Variants in ZFP28 observed in about 807,000 individuals in gnomAD.
ZFP28 encodes the protein ZFP28 zinc finger protein.
A neutral mutation model predicts 39.5 loss-of-function variants in ZFP28; 31 were observed. That is an observed-to-expected ratio of 0.79 (90% CI 0.59 to 1.06). The LOEUF is 1.06. ZFP28 is among the 50% of genes least tolerant of loss of function. The pLI is 0.00. For synonymous variants in ZFP28, 400 were observed against 378.6 expected (o/e 1.06, Z -0.66); for missense variants, 925 against 1,048.4 (o/e 0.88, Z 1.63).
At position 56,550,525 on chromosome 19, in the gene ZFP28, A is replaced by G. The variant is rs1351544853; in HGVS notation, c.818A>G (p.Lys273Arg). The G allele has an allele frequency of 1.2e-6, 2 of 1,613,936 alleles. No homozygotes were observed. Among genetic ancestry groups the G allele is most frequent in the Non-Finnish European group, 1.7e-6 (2 of 1,180,030 alleles). Residue 273 changes from lysine to arginine, a missense_variant, in exon 7 of 8, where the codon AAG becomes AGG. This residue lies in a region of ZFP28 where 556 missense variants were observed against 542.9 expected (regional missense o/e 1.02). Transcript: ENST00000301318. ...DLGSAGHCVA[K>R]PDLVSLLEQE... ...ACTTTTTCAGGACATTGTGTGGCTA[A>G]GCCAGATTTAGTCTCTTTACTAGAG...
rs1405283317 is a variant in ZFP28, at chr19:56,539,201, G to A, written c.183G>A (p.Ala61=). ...NGLASKGQRG[A]APTGPGHRAL... Reference sequence around the variant, plus strand: ...TCGCATCCAAAGGCCAGCGAGGAGCGGCCCCTACGGGGCCTGGGCACAGAG... The same window carrying A: ...TCGCATCCAAAGGCCAGCGAGGAGCAGCCCCTACGGGGCCTGGGCACAGAG... Residue 61 remains alanine (A), a synonymous_variant, in exon 1 of 8, where the codon GCG becomes GCA. Transcript: ENST00000301318. The A allele has an allele frequency of 1.3e-6, 2 of 1,599,128 alleles. No homozygotes were observed. Among genetic ancestry groups the A allele is most frequent in the Non-Finnish European group, 1.7e-6 (2 of 1,176,786 alleles).
intron 7 of ZFP28, chr19:56,552,484 T>G (rs2044312724): frequency 6.6e-6 from 1 of 152,178 alleles, no homozygotes; most frequent in African/African-American, 2.4e-5. Flanking sequence ...GAGTTTGTAT[T>G]CTATTCATAG....
chr19:56,549,119 C>T lies in ZFP28; in HGVS notation c.685C>T (p.Pro229Ser). The stretch of plus-strand genomic sequence containing the variant: ...TTATGATGCTCTGTTTGAGACACAG[C>T]CGGTAAGTCACAAGACAAATTTCAG... ...WDYDALFETQ[P>S]GLVTIKNLAV... Residue 229 changes from proline (P) to serine (S), a missense_variant and splice_region_variant, in exon 5 of 8, where the codon CCG becomes TCG. Physicochemically the swap from Pro to Ser is moderately conservative, Grantham distance 74. Around this residue, in one of 2 missense-constraint regions of ZFP28, gnomAD observed 556 missense variants for 542.9 expected, o/e 1.02. Transcript: ENST00000301318. 6.3e-7 allele frequency: 1 copy of T among 1,597,740 alleles called. No individual in the cohort carries two copies. Among genetic ancestry groups the T allele is most frequent in the Non-Finnish European group, 8.5e-7 (1 of 1,172,190 alleles).
chr19:56,541,882 T>C (rs1348327861), intron 2 of ZFP28, among the ~76,000 whole-genome samples: 3 of 41,324 alleles, frequency 7.3e-5, no homozygotes, highest in East Asian at 1.9e-3. Flanking sequence ...GGCTAATTTT[T>C]TTTTTTTTTT....
In ZFP28 at chr19:56,555,368, T is replaced by G. The variant is rs930637651; in HGVS notation, c.2583T>G (p.Asn861Lys). Residue 861 changes from asparagine (N) to lysine (K), a missense_variant, in exon 8 of 8, where the codon AAT (asparagine) becomes AAG (lysine). Asn to Lys is a moderately conservative substitution (Grantham distance 94, BLOSUM62 0). This residue lies in a region of ZFP28 where 369 missense variants were observed against 505.5 expected (regional missense o/e 0.73). Coordinates refer to ENST00000301318, the MANE Select transcript of ZFP28 (RefSeq NM_020828.2). ...PVDLFPKFLW[N>K]PSSLPSP ...ATCTGTTTCCCAAATTTCTCTGGAA[T>G]CCATCCTCCCTCCCATCACCATAGC... The G allele has an allele frequency of 1.1e-5, 17 of 1,612,330 alleles. No individual in the cohort carries two copies. The highest frequency in any genetic ancestry group is 1.4e-5 in the Non-Finnish European group (16 of 1,179,042).
intron 7 of ZFP28, among the ~76,000 whole-genome samples, chr19:56,553,463 T>G (rs2044322700): frequency 6.6e-6 from 1 of 152,144 alleles, no homozygotes; most frequent in Non-Finnish European, 1.5e-5. Context: ...GTGATCCGCC[T>G]CAAGTGATCT....
intron 2 of ZFP28, chr19:56,545,449 CTAG>C (rs2044233445): frequency 6.6e-6 from 1 of 152,162 alleles, no homozygotes; most frequent in Non-Finnish European, 1.5e-5. Flanking sequence ...ACTTTTGTTT[CTAG>C]TAGAATAATG....
intron 2 of ZFP28, among the ~76,000 whole-genome samples, chr19:56,540,065 C>T (rs963155815): frequency 6.6e-6 from 1 of 152,208 alleles, no homozygotes. Flanking sequence ...CACTTTGTGC[C>T]AGCCACTGAG....
rs1035687739 is a variant in ZFP28 at position 56,555,842 on chromosome 19, G to C, written c.*450G>C. 1 of 155,750 alleles carries C rather than the reference G, an allele frequency of 6.4e-6. No homozygotes were observed. The highest frequency in any genetic ancestry group is 1.4e-5 in the Non-Finnish European group (1 of 70,652). The allele number at this position is 155,750 out of a possible 1,614,324, so 9.6% of individuals were successfully genotyped here. On this transcript the variant is annotated 3_prime_UTR_variant, in exon 8 of 8. Transcript: ENST00000301318. Reference sequence around the variant, plus strand: ...TGTGAATGTAAGGTGATGTGACCTTGTTGGTGAGAAAATTAAACTTTACAT... The same window carrying C: ...TGTGAATGTAAGGTGATGTGACCTTCTTGGTGAGAAAATTAAACTTTACAT...
chr19:56,552,772 CATTT>C, intron 7 of ZFP28: 2 of 152,274 alleles, frequency 1.3e-5, no homozygotes, highest in East Asian at 3.9e-4. Context: ...TCATATAATA[CATTT>C]GTTTGACCTT....
At chr19:56,537,283 C>T (rs893195155), upstream of ZFP28, among the ~76,000 whole-genome samples, 6 of 152,108 alleles carry the variant, frequency 3.9e-5, no homozygotes, top group Non-Finnish European at 7.4e-5. Flanking sequence ...CAGCTCTCTA[C>T]AGCTGTTCTA....
Position 56,556,189 on chromosome 19 carries a change from G to A in ZFP28, c.*797G>A, listed in dbSNP as rs2044349892. On this transcript the variant is annotated 3_prime_UTR_variant, in exon 8 of 8. Coordinates refer to ENST00000301318, the MANE Select transcript of ZFP28 (RefSeq NM_020828.2). ...ATCTAGAATTTAAAAAAATTTTAAA[G>A]GGTTGAAAAAAGTGAAAAGAATATT... is the stretch of plus-strand genomic sequence containing the variant. The A allele has an allele frequency of 6.6e-6, 1 of 152,018 alleles. No individual in the cohort carries two copies. Among genetic ancestry groups the A allele is most frequent in the Non-Finnish European group, 1.5e-5 (1 of 68,002 alleles). The allele number at this position is 152,018 out of a possible 1,614,324, so 9.4% of individuals were successfully genotyped here.
At chr19:56,539,496 C>A in intron 1 of ZFP28, 129 bp from the exon 2 acceptor site, 1 of 811,202 alleles carries the variant, frequency 1.2e-6, no homozygotes, top group Admixed American at 2.7e-5. Flanking sequence ...AACCTATCTC[C>A]ACGTTGTGGC....
chr19:56,554,096 T>G lies in ZFP28; in HGVS notation c.1311T>G (p.Val437=). The change falls in exon 8 of 8, where the codon GTT becomes GTG. Residue 437 remains valine, a synonymous_variant. Coordinates refer to ENST00000301318, the MANE Select transcript of ZFP28 (RefSeq NM_020828.2). This position sits in a 1 kb window ranked among gnomAD's most constrained non-coding sequence, Gnocchi z 6.7. ...TTACCCAGAGCTCATCTCTTACTGTTCATCAGAGAATTCACACTGGAGAGA... is the reference window on the plus strand; with the variant it reads ...TTACCCAGAGCTCATCTCTTACTGTGCATCAGAGAATTCACACTGGAGAGA... ...KTFTQSSSLT[V]HQRIHTGEKP... is the part of the protein sequence containing the mutation. 1.2e-6 allele frequency: 2 copies of G among 1,614,236 alleles called. No individual in the cohort carries two copies. The highest frequency in any genetic ancestry group is 1.7e-6 in the Non-Finnish European group (2 of 1,180,040).
rs1413727119 is a variant in ZFP28 at position 56,539,706 on chromosome 19, C to T, written c.290C>T (p.Ala97Val). Reference protein sequence around the residue: ...EAVGTGIEPKAMSQGLVTFGD... With the variant: ...EAVGTGIEPKVMSQGLVTFGD... ...GTGGGGACAGGAATTGAACCTAAAG[C>T]CATGTCCCAGGTGAGTTGGCATTTC... The change falls in exon 2 of 8, where the codon GCC (alanine) becomes GTC (valine). Residue 97 changes from alanine to valine, a missense_variant. By Grantham distance (64) the Ala-to-Val change is moderately conservative. Coordinates refer to ENST00000301318, the MANE Select transcript of ZFP28 (RefSeq NM_020828.2). 2 of 1,614,018 alleles carry T rather than the reference C, an allele frequency of 1.2e-6. No individual in the cohort carries two copies. Among genetic ancestry groups the T allele is most frequent in the Non-Finnish European group, 1.7e-6 (2 of 1,179,960 alleles).
At chr19:56,552,513 T>C (rs1427894031) in intron 7 of ZFP28, 1 of 152,194 alleles carries the variant, frequency 6.6e-6, no homozygotes, top group East Asian at 1.9e-4. Context: ...TACTCATTAG[T>C]CACATTTCTA....
At position 56,547,850 on chromosome 19, in the gene ZFP28, A is replaced by G; in HGVS notation, c.471A>G (p.Gln157=). Residue 157 remains glutamine, a synonymous_variant, in exon 4 of 8, where the codon CAA becomes CAG. Coordinates refer to ENST00000301318, the MANE Select transcript of ZFP28 (RefSeq NM_020828.2). This position sits in a 1 kb window ranked among gnomAD's most constrained non-coding sequence, Gnocchi z 4.6. ...SKPDVISSLE[Q]GKEPWTVKRK... ...CCGATGTGATCTCCTCGTTGGAACA[A>G]GGAAAAGAGCCTTGGACAGTGAAGC... 1 of 1,614,176 alleles carries G rather than the reference A, an allele frequency of 6.2e-7. No individual in the cohort carries two copies. The highest frequency in any genetic ancestry group is 8.5e-7 in the Non-Finnish European group (1 of 1,180,038).
chr19:56,537,908 G>A (rs2147942882), upstream of ZFP28: 1 of 152,304 alleles, frequency 6.6e-6, no homozygotes, highest in South Asian at 2.1e-4. Context: ...CTGGGGGAGA[G>A]ACCGGTCCTA....
At chr19:56,553,574 A>G in intron 7 of ZFP28, 110 bp from the exon 8 acceptor site, 1 of 1,358,280 alleles carries the variant, frequency 7.4e-7, no homozygotes, top group African/African-American at 1.5e-5. Context: ...TGTAAAATGT[A>G]TGTTGATGAA....
Sources: allele counts gnomAD v4.1 joint callset (sites outside exome capture counted in the v4.1 genomes callset), GRCh38; gene constraint gnomAD v4.1.1; regional missense constraint gnomAD v4.1.1; non-coding constraint Gnocchi (gnomAD v3.1); transcripts MANE v1.5; gene names NCBI Gene and HGNC (gene_info 2026-07-23, HGNC 2026-07-21).